The following HIVEP1 variants were observed in gnomAD, a reference collection of about 807,000 sequenced individuals.
The protein encoded by HIVEP1 is HIVEP zinc finger 1.
In HIVEP1, 36 loss-of-function variants were observed where a neutral mutation model predicts 180.0. The observed-to-expected ratio is 0.20, with a 90% CI of 0.15 to 0.26. The LOEUF (loss-of-function observed/expected upper bound fraction) is 0.26. Ranked by LOEUF, HIVEP1 falls within the 10% of genes least tolerant of loss-of-function variation. HIVEP1 has a pLI of 1.00. For synonymous variants in HIVEP1, 1,239 were observed against 1,239.0 expected (o/e 1.00, Z 0.00); for missense variants, 3,143 against 3,268.7 (o/e 0.96, Z 0.94).
chr6:12,094,652 G>C (rs970247449), intron 3 of HIVEP1, among the ~76,000 whole-genome samples: 1 of 151,988 alleles, frequency 6.6e-6, no homozygotes, highest in African/African-American at 2.4e-5. Context: ...ATTTGGTCAT[G>C]ATGTTTAATC....
At chr6:12,202,284 T>C in the HIVEP1 span, among the ~76,000 whole-genome samples, 102 of 150,930 alleles carry the variant, frequency 6.8e-4, no homozygotes, top group Non-Finnish European at 1.2e-3. Flanking sequence ...GCCTCCCAAG[T>C]AGCTGGGACT....
chr6:12,204,132 T>A, the HIVEP1 span, among the ~76,000 whole-genome samples: 304 of 151,926 alleles, frequency 2.0e-3, no homozygotes, highest in African/African-American at 7.1e-3. Flanking sequence ...GAAAATCCCT[T>A]CCCCTCATAA....
intron 7 of HIVEP1, among the ~76,000 whole-genome samples, chr6:12,144,418 A>G (rs991985774): frequency 2.6e-5 from 4 of 152,366 alleles, no homozygotes; most frequent in Non-Finnish European, 5.9e-5. Context: ...ACCTAAAACC[A>G]TAAAAACCCT....
chr6:12,042,994 G>T (rs1769877119), intron 2 of HIVEP1, among the ~76,000 whole-genome samples: 3 of 152,170 alleles, frequency 2.0e-5, no homozygotes, highest in Admixed American at 6.5e-5. Flanking sequence ...CGATTTCTCA[G>T]TGTTGTTTAC....
intron 2 of HIVEP1, among the ~76,000 whole-genome samples, chr6:12,017,699 C>A (rs531598281): frequency 6.6e-6 from 1 of 152,234 alleles, no homozygotes; most frequent in Non-Finnish European, 1.5e-5. Context: ...CTGAGCTAGA[C>A]ACAAAAGTTC....
intron 7 of HIVEP1, among the ~76,000 whole-genome samples, chr6:12,152,324 CT>C (rs150620878): frequency 0.012 from 1,758 of 152,210 alleles, 30 homozygotes; most frequent in African/African-American, 0.04. Flanking sequence ...TCCTCGCAGA[CT>C]TGTTGATCCC....
At chr6:12,199,341 A>G in the HIVEP1 span, among the ~76,000 whole-genome samples, 1 of 146,782 alleles carries the variant, frequency 6.8e-6, no homozygotes, top group South Asian at 2.2e-4. Flanking sequence ...CTGCCTTTTC[A>G]TTGTAATGAC....
chr6:12,196,161 T>C, the HIVEP1 span, among the ~76,000 whole-genome samples: 4 of 152,238 alleles, frequency 2.6e-5, no homozygotes, highest in African/African-American at 9.6e-5. Flanking sequence ...ATGTGACCAG[T>C]GACTTGGAGA....
At position 12,161,528 on chromosome 6, in the gene HIVEP1, G is replaced by T. The variant is rs747490340; in HGVS notation, c.6577G>T (p.Asp2193Tyr). The T allele has an allele frequency of 5.0e-6, 8 of 1,613,968 alleles. No individual in the cohort carries two copies. Among genetic ancestry groups the T allele is most frequent in the Non-Finnish European group, 6.8e-6 (8 of 1,179,994 alleles). ...TGAGGATGACAATGAAAATGAAGAC[G>T]ATGATGAGGACAGCCAGGCTGAATC... Reference protein sequence around the residue: ...PDEDDNENEDDDEDSQAESVL... With the variant: ...PDEDDNENEDYDEDSQAESVL... The change falls in exon 8 of 9, where the codon GAT becomes TAT. Residue 2193 changes from aspartate to tyrosine, a missense_variant. Transcript: ENST00000379388.
At chr6:12,013,477 G>A (rs1025067281) in intron 1 of HIVEP1, among the ~76,000 whole-genome samples, 10 of 152,184 alleles carry the variant, frequency 6.6e-5, no homozygotes, top group African/African-American at 2.4e-4. Context: ...GGACAGCTAG[G>A]GACAGTGGGT....
At chr6:12,119,093 C>A (rs1775406569) in intron 3 of HIVEP1, among the ~76,000 whole-genome samples, 1 of 152,180 alleles carries the variant, frequency 6.6e-6, no homozygotes, top group Admixed American at 6.5e-5. Context: ...CACTGAATCA[C>A]TGGATTTTTA....
intron 7 of HIVEP1, among the ~76,000 whole-genome samples, chr6:12,142,980 T>C (rs1309932526): frequency 6.6e-6 from 1 of 152,198 alleles, no homozygotes; most frequent in Non-Finnish European, 1.5e-5. Flanking sequence ...TACCATTCCT[T>C]CTGAAACTAT....
chr6:12,017,968 A>G (rs1444407832), intron 2 of HIVEP1, among the ~76,000 whole-genome samples: 1 of 152,144 alleles, frequency 6.6e-6, no homozygotes, highest in Non-Finnish European at 1.5e-5. Context: ...GCCTAGGAAC[A>G]GGGGGCAGCG....
At chr6:12,167,686 AAT>A (rs55760302), downstream of HIVEP1, among the ~76,000 whole-genome samples, 25,610 of 77,710 alleles carry the variant, frequency 0.33, 3,346 homozygotes, top group East Asian at 0.52. Context: ...ATATGTGTAT[AAT>A]ATATATACAT....
At chr6:12,050,549 A>G (rs4291087) in intron 2 of HIVEP1, among the ~76,000 whole-genome samples, 122,981 of 151,622 alleles carry the variant, frequency 0.81, 50,102 homozygotes, top group Middle Eastern at 0.93. Flanking sequence ...TCACGCCACT[A>G]CACTCCAGCC....
intron 2 of HIVEP1, among the ~76,000 whole-genome samples, chr6:12,069,502 CAT>C (rs1271666971): frequency 7.1e-6 from 1 of 140,490 alleles, no homozygotes; most frequent in Non-Finnish European, 1.5e-5. Context: ...TATTCTCACT[CAT>C]AGGTGGGAAT....
At chr6:12,025,643 A>G (rs1447426103) in intron 2 of HIVEP1, among the ~76,000 whole-genome samples, 2 of 152,242 alleles carry the variant, frequency 1.3e-5, no homozygotes, top group Non-Finnish European at 2.9e-5. Context: ...AGTAGATAAC[A>G]TTCTATAATT....
chr6:12,017,465 C>T (rs1224686921), intron 2 of HIVEP1, among the ~76,000 whole-genome samples: 1 of 152,226 alleles, frequency 6.6e-6, no homozygotes, highest in African/African-American at 2.4e-5. Flanking sequence ...AAAGAGCAAG[C>T]AGTAGCAAGA....
Position 12,123,709 on chromosome 6 carries a change from G to C in HIVEP1, c.3914G>C (p.Ser1305Thr). 3.7e-6 allele frequency: 6 copies of C among 1,613,988 alleles called. No individual in the cohort carries two copies. Among genetic ancestry groups the C allele is most frequent in the Non-Finnish European group, 5.1e-6 (6 of 1,179,872 alleles). Residue 1305 changes from serine to threonine, a missense_variant, in exon 4 of 9, where the codon AGT (serine) becomes ACT (threonine). Coordinates refer to ENST00000379388, the MANE Select transcript of HIVEP1 (RefSeq NM_002114.4). ...ESSFDSTLSR[S>T]LSRESSLSHT... Reference sequence around the variant, plus strand: ...AGCTTTGATTCCACTCTCTCCAGGAGTCTAAGTAGGGAGAGCAGTTTATCT... The same window carrying C: ...AGCTTTGATTCCACTCTCTCCAGGACTCTAAGTAGGGAGAGCAGTTTATCT...
Sources: allele counts gnomAD v4.1 joint callset (sites outside exome capture counted in the v4.1 genomes callset), GRCh38; gene constraint gnomAD v4.1.1; transcripts MANE v1.5; gene names NCBI Gene and HGNC (gene_info 2026-07-23, HGNC 2026-07-21).